GFRA2: variants seen among roughly 807,000 people sequenced by gnomAD.
GFRA2 encodes the protein GDNF family receptor alpha 2, also known as GDNF family receptor alpha-2.
A neutral mutation model predicts 48.3 loss-of-function variants in GFRA2; 17 were observed. That is an observed-to-expected ratio of 0.35 (90% CI 0.24 to 0.53). The LOEUF is 0.53. Ranked by LOEUF, GFRA2 falls within the 20% of genes least tolerant of loss-of-function variation. The pLI is 0.93. For missense variants in GFRA2, 660 were observed against 637.3 expected (o/e 1.04, Z -0.38); for synonymous variants, 305 against 257.2 (o/e 1.19, Z -1.78).
chr8:21,705,215 G>C, intron 5 of GFRA2, 90 bp from the exon 6 acceptor site: 1 of 1,356,014 alleles, frequency 7.4e-7, no homozygotes, highest in Non-Finnish European at 1.0e-6. Context: ...CAGCAGGGCA[G>C]AGGCGTGGTA....
In GFRA2 at chr8:21,704,980, CT is replaced by C; in HGVS notation, c.1045+4del. On this transcript the variant is annotated splice_donor_region_variant and intron_variant, in intron 6 of 8. Coordinates refer to ENST00000524240, the MANE Select transcript of GFRA2 (RefSeq NM_001495.5). ...CTGGGGTTGGGGAGAACATCCAGAA[CT>C]TACGGAGGCATGGGTTCTCGGTGAA... The C allele has an allele frequency of 6.2e-7, 1 of 1,608,274 alleles. No individual in the cohort carries two copies. Among genetic ancestry groups the C allele is most frequent in the South Asian group, 1.1e-5 (1 of 89,608 alleles).
At chr8:21,712,889 C>T (rs976873988) in intron 4 of GFRA2, among the ~76,000 whole-genome samples, 3 of 152,128 alleles carry the variant, frequency 2.0e-5, no homozygotes, top group Admixed American at 6.5e-5. Flanking sequence ...CGCCTGCAAT[C>T]GCAGGCACTC....
At chr8:21,707,153 A>C (rs528149923) in intron 4 of GFRA2, among the ~76,000 whole-genome samples, 1 of 152,342 alleles carries the variant, frequency 6.6e-6, no homozygotes, top group African/African-American at 2.4e-5. Flanking sequence ...GTAGGACTTC[A>C]GTCGCCATGC....
chr8:21,796,252 C>T (rs79577059), intron 2 of GFRA2, among the ~76,000 whole-genome samples: 1,864 of 152,300 alleles, frequency 0.012, 50 homozygotes, highest in East Asian at 0.12. Context: ...CTGGAGAAAC[C>T]TCACAGCTTC....
At chr8:21,756,348 T>C (rs1015015538) in intron 3 of GFRA2, among the ~76,000 whole-genome samples, 4 of 152,166 alleles carry the variant, frequency 2.6e-5, no homozygotes, top group African/African-American at 9.7e-5. Context: ...ACCAGGAAGA[T>C]ACCCCGTGAT....
At chr8:21,779,010 G>A (rs1806844103) in intron 2 of GFRA2, among the ~76,000 whole-genome samples, 1 of 151,538 alleles carries the variant, frequency 6.6e-6, no homozygotes. Context: ...AGATCAGCCT[G>A]AGCAACATAG....
Position 21,694,302 on chromosome 8 carries a change from C to T in GFRA2, c.1272+162G>A, listed in dbSNP as rs143484486. On this transcript the variant is annotated intron_variant, in intron 8 of 8. Coordinates refer to ENST00000524240, the MANE Select transcript of GFRA2 (RefSeq NM_001495.5). ...CCTGGATGCAGCCTTCGCACTCCCC[C>T]ACCCCACCCCAGCAGAGTAAGTGCC... Among the ~76,000 whole-genome samples, 560 of 151,918 alleles carry T rather than the reference C, an allele frequency of 3.7e-3. 2 individuals carry two copies. Among genetic ancestry groups the T allele is most frequent in the African/African-American group, 0.013 (538 of 41,440 alleles).
intron 4 of GFRA2, among the ~76,000 whole-genome samples, chr8:21,746,291 T>C (rs1045285917): frequency 9.9e-5 from 15 of 152,186 alleles, no homozygotes; most frequent in African/African-American, 3.6e-4. Context: ...CTCTCCATCA[T>C]GCACAAGGTT....
At chr8:21,725,124 G>A (rs1381872003) in intron 4 of GFRA2, among the ~76,000 whole-genome samples, 1 of 152,228 alleles carries the variant, frequency 6.6e-6, no homozygotes, top group African/African-American at 2.4e-5. Flanking sequence ...TGTCACCCAA[G>A]CTTCCATCTT....
At chr8:21,694,394 C>T (rs376883017) in intron 8 of GFRA2, 70 bp downstream of exon 8, 21 of 1,442,928 alleles carry the variant, frequency 1.5e-5, no homozygotes, top group African/African-American at 9.8e-5. Context: ...GGATCTGAGG[C>T]TCGCCGGGGA....
At chr8:21,721,578 C>G (rs577794540) in intron 4 of GFRA2, among the ~76,000 whole-genome samples, 1 of 152,312 alleles carries the variant, frequency 6.6e-6, no homozygotes, top group East Asian at 1.9e-4. Context: ...GATACCCACA[C>G]AAAAGAGTGT....
intron 3 of GFRA2, among the ~76,000 whole-genome samples, chr8:21,765,445 G>C (rs1040292081): frequency 2.6e-5 from 4 of 151,806 alleles, no homozygotes; most frequent in African/African-American, 4.8e-5. Flanking sequence ...ACTTGACTTG[G>C]CTTTTCTGAC....
chr8:21,705,584 C>T (rs937140344), intron 5 of GFRA2, among the ~76,000 whole-genome samples: 3 of 152,160 alleles, frequency 2.0e-5, no homozygotes, highest in South Asian at 2.1e-4. Context: ...ATCAGCACCC[C>T]GCTAGCAAGA....
chr8:21,709,447 C>T (rs1453911815), intron 4 of GFRA2, among the ~76,000 whole-genome samples: 1 of 152,242 alleles, frequency 6.6e-6, no homozygotes, highest in Non-Finnish European at 1.5e-5. Flanking sequence ...TCCACAGCTG[C>T]TCCTCTGGGC....
intron 2 of GFRA2, among the ~76,000 whole-genome samples, chr8:21,798,127 G>T (rs1379010352): frequency 6.6e-6 from 1 of 152,178 alleles, no homozygotes; most frequent in Non-Finnish European, 1.5e-5. Context: ...ATGAAGCCCA[G>T]GATTCTGCAG....
chr8:21,788,038 A>AGCCCCCCCCCC, intron 1 of GFRA2, 82 bp downstream of exon 1: 1 of 181,740 alleles, frequency 5.5e-6, no homozygotes, highest in Non-Finnish European at 1.0e-5. Context: ...ACCTCCCGCC[A>AGCCCCCCCCCC]GCCCCCCACC....
At position 21,698,337 on chromosome 8, in the gene GFRA2, G is replaced by A. The variant is rs77555618; in HGVS notation, c.1219-3820C>T. ...TGGGGGAAGGACGCAGAAAGAAGAAGGACAGTGGGAAAGGCATGCTTCATC... is the reference window on the plus strand; with the variant it reads ...TGGGGGAAGGACGCAGAAAGAAGAAAGACAGTGGGAAAGGCATGCTTCATC... On this transcript the variant is annotated intron_variant, in intron 7 of 8. Coordinates refer to ENST00000524240, the MANE Select transcript of GFRA2 (RefSeq NM_001495.5). 6.6e-5 allele frequency among the ~76,000 whole-genome samples: 10 copies of A among 152,306 alleles called. No homozygotes were observed. The East Asian group carries it at 1.9e-3, about 29-fold the overall frequency.
chr8:21,784,113 T>A (rs1233449077), intron 1 of GFRA2, among the ~76,000 whole-genome samples: 5 of 151,980 alleles, frequency 3.3e-5, no homozygotes, highest in African/African-American at 1.2e-4. Context: ...CTGGCCCCCA[T>A]GTCCACACCC....
intron 4 of GFRA2, among the ~76,000 whole-genome samples, chr8:21,733,916 A>T (rs1219639409): frequency 1.3e-5 from 2 of 152,184 alleles, no homozygotes; most frequent in Admixed American, 6.5e-5. Context: ...AAAAAAAATC[A>T]AAGTCATCAT....
Sources: allele counts gnomAD v4.1 joint callset (sites outside exome capture counted in the v4.1 genomes callset), GRCh38; gene constraint gnomAD v4.1.1; transcripts MANE v1.5; gene names NCBI Gene and HGNC (gene_info 2026-07-23, HGNC 2026-07-21).